The following TMEM178B variants were observed in gnomAD, a reference collection of about 807,000 sequenced individuals.
TMEM178B encodes the protein transmembrane protein 178B.
In TMEM178B, 5 loss-of-function variants were observed where a neutral mutation model predicts 31.0. That is an observed-to-expected ratio of 0.16 (90% CI 0.08 to 0.34). The LOEUF is 0.34. TMEM178B is among the 10% of genes least tolerant of loss of function. The probability of loss-of-function intolerance (pLI) is 1.00; values close to 1 mark genes in which losing one functional copy is unlikely to be tolerated. For missense variants in TMEM178B, 275 were observed against 400.3 expected, an observed-to-expected ratio of 0.69 and a Z score of 2.67; for synonymous variants, 164 against 164.0, an observed-to-expected ratio of 1.00 and a Z score of 0.00.
intron 1 of TMEM178B, among the ~76,000 whole-genome samples, chr7:141,108,023 G>A (rs940356483): frequency 1.3e-5 from 2 of 152,202 alleles, no homozygotes; most frequent in African/African-American, 4.8e-5. Context: ...GTTGCTGGTC[G>A]AACAGCTGAG....
At position 141,173,779 on chromosome 7, in the gene TMEM178B, A is replaced by G. The variant is rs149881049; in HGVS notation, c.383-38812A>G. Among the ~76,000 whole-genome samples, 17 of 152,270 alleles carry G rather than the reference A, an allele frequency of 1.1e-4. No homozygotes were observed. In the East Asian group the frequency reaches 3.1e-3, roughly 28 times the overall value. ...CTTGTGTCATACATTAGCCATTGCCATATTAAGTCTCTGGACTCTTCAAAG... is the reference window on the plus strand; with the variant it reads ...CTTGTGTCATACATTAGCCATTGCCGTATTAAGTCTCTGGACTCTTCAAAG... On this transcript the variant is annotated intron_variant, in intron 1 of 3. Transcript: ENST00000565468.
At chr7:141,166,405 G>A (rs1405578428) in intron 1 of TMEM178B, among the ~76,000 whole-genome samples, 2 of 152,244 alleles carry the variant, frequency 1.3e-5, no homozygotes, top group East Asian at 1.9e-4. Flanking sequence ...ACACCAGCGT[G>A]AGCTGGTGGA....
At chr7:141,420,557 G>A (rs1801184770) in intron 2 of TMEM178B, among the ~76,000 whole-genome samples, 2 of 152,154 alleles carry the variant, frequency 1.3e-5, no homozygotes, top group African/African-American at 4.8e-5. Context: ...GAAAGGCACA[G>A]GGGAAAGGAG....
chr7:141,143,368 C>T (rs1457238932), intron 1 of TMEM178B, among the ~76,000 whole-genome samples: 1 of 152,128 alleles, frequency 6.6e-6, no homozygotes, highest in Non-Finnish European at 1.5e-5. Context: ...TTAAATCTTT[C>T]ATCTATATTG....
intron 2 of TMEM178B, among the ~76,000 whole-genome samples, chr7:141,307,858 C>T (rs983844805): frequency 6.6e-6 from 1 of 152,128 alleles, no homozygotes; most frequent in African/African-American, 2.4e-5. Flanking sequence ...TGAATGTAAG[C>T]CTAGCAGGGT....
At chr7:141,358,058 T>C (rs1240757396) in intron 2 of TMEM178B, among the ~76,000 whole-genome samples, 5 of 152,196 alleles carry the variant, frequency 3.3e-5, no homozygotes, top group Non-Finnish European at 7.3e-5. Context: ...GAATTGAGCA[T>C]AGCATTTAAG....
intron 1 of TMEM178B, among the ~76,000 whole-genome samples, chr7:141,195,236 A>G (rs1350743522): frequency 2.6e-5 from 4 of 152,228 alleles, no homozygotes; most frequent in African/African-American, 4.8e-5. Context: ...TCTATCGCAT[A>G]GTTAGGCTGC....
At chr7:141,301,145 C>T (rs1240999651) in intron 2 of TMEM178B, among the ~76,000 whole-genome samples, 1 of 152,174 alleles carries the variant, frequency 6.6e-6, no homozygotes, top group Non-Finnish European at 1.5e-5. Context: ...TGCTCCACCA[C>T]CCAGGAAGTG....
intron 1 of TMEM178B, among the ~76,000 whole-genome samples, chr7:141,212,160 CA>C (rs1167814868): frequency 6.6e-6 from 1 of 152,152 alleles, no homozygotes; most frequent in African/African-American, 2.4e-5. Context: ...CCCCACCCAC[CA>C]TTCCCCCAGC....
At chr7:141,386,056 T>G (rs1009654261) in intron 2 of TMEM178B, among the ~76,000 whole-genome samples, 2 of 152,206 alleles carry the variant, frequency 1.3e-5, no homozygotes, top group Non-Finnish European at 2.9e-5. Flanking sequence ...TTCTCAGCAT[T>G]CATTCATCAA....
At chr7:141,489,155 CTCT>C in the TMEM178B span, among the ~76,000 whole-genome samples, 2 of 152,216 alleles carry the variant, frequency 1.3e-5, no homozygotes, top group African/African-American at 4.8e-5. Flanking sequence ...CAGGGGCATT[CTCT>C]TCTTTGTGCT....
intron 1 of TMEM178B, among the ~76,000 whole-genome samples, chr7:141,124,095 G>A (rs1363997626): frequency 6.6e-6 from 1 of 152,104 alleles, no homozygotes; most frequent in Non-Finnish European, 1.5e-5. Flanking sequence ...GGCTGGGTGC[G>A]GTGGCTCACA....
At chr7:141,487,784 G>C in the TMEM178B span, among the ~76,000 whole-genome samples, 5 of 142,034 alleles carry the variant, frequency 3.5e-5, no homozygotes, top group African/African-American at 1.3e-4. Flanking sequence ...TGGACTTCAC[G>C]ACCTCCCTTG....
At chr7:141,136,306 G>A (rs985750122) in intron 1 of TMEM178B, among the ~76,000 whole-genome samples, 7 of 152,128 alleles carry the variant, frequency 4.6e-5, no homozygotes, top group Non-Finnish European at 8.8e-5. Context: ...AAATGGTGTT[G>A]GGAAAATTGG....
chr7:141,437,473 C>A, intron 2 of TMEM178B, 135 bp from the exon 3 acceptor site: 1 of 1,174,310 alleles, frequency 8.5e-7, no homozygotes, highest in Non-Finnish European at 1.2e-6. Context: ...TTGTGTGCTC[C>A]TATCTGAGAA....
intron 2 of TMEM178B, among the ~76,000 whole-genome samples, chr7:141,361,382 G>A (rs922181932): frequency 1.3e-5 from 2 of 152,118 alleles, no homozygotes; most frequent in Non-Finnish European, 2.9e-5. Context: ...TCTTTGAAAT[G>A]GAAAAATCTT....
chr7:141,343,046 G>A (rs576850831), intron 2 of TMEM178B, among the ~76,000 whole-genome samples: 1 of 152,294 alleles, frequency 6.6e-6, no homozygotes, highest in Non-Finnish European at 1.5e-5. Context: ...CCCACCCCCA[G>A]GGTTTCTGAT....
intron 3 of TMEM178B, among the ~76,000 whole-genome samples, chr7:141,442,902 A>G (rs1350356213): frequency 3.9e-5 from 6 of 152,166 alleles, no homozygotes; most frequent in Admixed American, 3.9e-4. Context: ...GCTTAACTGG[A>G]TTTTCTGTGG....
At chr7:141,493,719 G>T in the TMEM178B span, among the ~76,000 whole-genome samples, 1 of 152,154 alleles carries the variant, frequency 6.6e-6, no homozygotes, top group Non-Finnish European at 1.5e-5. Flanking sequence ...CATCTTCCAA[G>T]AGTTTTTAGT....
Sources: gnomAD v4.1 joint callset for allele counts (sites outside exome capture counted in the v4.1 genomes callset) on GRCh38, gnomAD v4.1.1 for gene constraint, MANE v1.5 for transcripts, NCBI Gene and HGNC (gene_info 2026-07-23, HGNC 2026-07-21) for gene names.